Variants in GLYAT observed in about 807,000 individuals in gnomAD.
GLYAT encodes glycine-N-acyltransferase.
A neutral mutation model predicts 22.8 loss-of-function variants in GLYAT; 25 were observed. The observed-to-expected ratio is 1.09, with a 90% confidence interval of 0.80 to 1.53. GLYAT has a LOEUF of 1.53. Among genes scored for constraint, GLYAT ranks in the 40% most tolerant of loss-of-function variants. The pLI is 0.00. For synonymous variants in GLYAT, 140 were observed against 122.7 expected, an observed-to-expected ratio of 1.14 and a Z score of -0.93; for missense variants, 411 against 353.9, an observed-to-expected ratio of 1.16 and a Z score of -1.29.
chr11:58,714,676 T>C (rs1856657730), intron 3 of GLYAT, among the ~76,000 whole-genome samples: 1 of 152,116 alleles, frequency 6.6e-6, no homozygotes, highest in Non-Finnish European at 1.5e-5. Context: ...CTGATGGTTT[T>C]ATAAGGGGCT....
chr11:58,719,989 T>G (rs1054116461), intron 2 of GLYAT, among the ~76,000 whole-genome samples: 1 of 151,986 alleles, frequency 6.6e-6, no homozygotes, highest in African/African-American at 2.4e-5. Context: ...CAACCACTTA[T>G]TTTAGTTTAG....
At chr11:58,721,193 T>C (rs1856745789) in intron 2 of GLYAT, among the ~76,000 whole-genome samples, 1 of 151,824 alleles carries the variant, frequency 6.6e-6, no homozygotes, top group South Asian at 2.1e-4. Flanking sequence ...TGGTAACCTG[T>C]TTCAAAACCC....
rs186072988 is a variant in GLYAT at position 58,713,346 on chromosome 11, A to T, written c.190-460T>A. 4.7e-3 allele frequency among the ~76,000 whole-genome samples: 714 copies of T among 152,302 alleles called. 6 individuals carry two copies. The highest frequency in any genetic ancestry group is 0.02 in the Middle Eastern group (6 of 294). On this transcript the variant is annotated intron_variant, in intron 3 of 5. Coordinates refer to ENST00000344743, the MANE Select transcript of GLYAT (RefSeq NM_201648.3). ...GAACAATACTATTCATTATCCACAT[A>T]TCACGTTAAAATTTCAAATAAAAGA...
intron 1 of GLYAT, among the ~76,000 whole-genome samples, chr11:58,730,345 C>T (rs983756374): frequency 6.6e-6 from 1 of 152,118 alleles, no homozygotes; most frequent in Non-Finnish European, 1.5e-5. Flanking sequence ...TGGTGACACA[C>T]ACCTGTAGCC....
intron 1 of GLYAT, among the ~76,000 whole-genome samples, chr11:58,726,031 G>A (rs548182312): frequency 3.3e-5 from 5 of 152,220 alleles, no homozygotes; most frequent in African/African-American, 9.6e-5. Context: ...CAACTCCTGA[G>A]GTCTTGTCAG....
chr11:58,723,206 C>T (rs1337462476), intron 2 of GLYAT, among the ~76,000 whole-genome samples: 2 of 141,574 alleles, frequency 1.4e-5, no homozygotes, highest in Non-Finnish European at 3.1e-5. Flanking sequence ...AAAAATACCT[C>T]AACTAATTAT....
In GLYAT at chr11:58,715,307, GA is replaced by G. The variant is rs753518424; in HGVS notation, c.189+8del. 3.1e-6 allele frequency: 4 copies of G among 1,271,162 alleles called. No individual in the cohort carries two copies. In the South Asian group the frequency reaches 4.8e-5, roughly 15 times the overall value. 78.7% of individuals were successfully genotyped at this position (1,271,162 alleles called of 1,614,324 possible). A position where few individuals can be genotyped will look rare whatever the true frequency, so the allele number is the denominator to read the frequency against. Reference sequence around the variant, plus strand: ...AAATATAGAAGAATATTCACACATGGAAACTTACCTGCTCCTGAGGGCAGAC... The same window carrying G: ...AAATATAGAAGAATATTCACACATGGAACTTACCTGCTCCTGAGGGCAGAC... On this transcript the variant is annotated splice_region_variant and intron_variant, in intron 3 of 5. Coordinates refer to ENST00000344743, the MANE Select transcript of GLYAT (RefSeq NM_201648.3).
chr11:58,723,226 G>A (rs919737344), intron 2 of GLYAT, among the ~76,000 whole-genome samples: 4 of 62,816 alleles, frequency 6.4e-5, no homozygotes, highest in Non-Finnish European at 2.0e-4. Flanking sequence ...TACATACAGT[G>A]TCTTAACTAA....
At position 58,709,317 on chromosome 11, in the gene GLYAT, T is replaced by C. The variant is rs1856579272; in HGVS notation, c.*449A>G. 1 of 158,390 alleles carries C rather than the reference T, an allele frequency of 6.3e-6. No homozygotes were observed. The highest frequency in any genetic ancestry group is 1.4e-5 in the Non-Finnish European group (1 of 71,654). 9.8% of individuals were successfully genotyped at this position (158,390 alleles called of 1,614,324 possible). A position where few individuals can be genotyped will look rare whatever the true frequency, so the allele number is the denominator to read the frequency against. On this transcript the variant is annotated 3_prime_UTR_variant, in exon 6 of 6. Coordinates refer to ENST00000344743, the MANE Select transcript of GLYAT (RefSeq NM_201648.3). ...AAGTAGCAATAACAGGAGAGGATAATCTCTAAAGACCTGCTGAGGAGAGTC... is the reference window on the plus strand; with the variant it reads ...AAGTAGCAATAACAGGAGAGGATAACCTCTAAAGACCTGCTGAGGAGAGTC...
intron 3 of GLYAT, 50 bp downstream of exon 3, chr11:58,715,266 G>T: frequency 1.2e-6 from 1 of 832,618 alleles, no homozygotes; most frequent in Non-Finnish European, 2.1e-6. Context: ...GAATGTAATA[G>T]GCACACAGCT....
Position 58,710,297 on chromosome 11 carries a change from G to A in GLYAT, c.489-129C>T, listed in dbSNP as rs947948054. 5 of 1,404,806 alleles carry A rather than the reference G, an allele frequency of 3.6e-6. No homozygotes were observed. In the African/African-American group the frequency reaches 7.2e-5, roughly 20 times the overall value. 87.0% of individuals were successfully genotyped at this position (1,404,806 alleles called of 1,614,324 possible). A position where few individuals can be genotyped will look rare whatever the true frequency, so the allele number is the denominator to read the frequency against. On this transcript the variant is annotated intron_variant, in intron 5 of 5. Coordinates refer to ENST00000344743, the MANE Select transcript of GLYAT (RefSeq NM_201648.3). ...ATGTGAAGTCCTGGAATATAGATGAGCTTGTGATGAAAGAGGAACAGAGTG... is the reference window on the plus strand; with the variant it reads ...ATGTGAAGTCCTGGAATATAGATGAACTTGTGATGAAAGAGGAACAGAGTG...
intron 1 of GLYAT, among the ~76,000 whole-genome samples, chr11:58,724,939 A>G (rs1238648946): frequency 6.6e-6 from 1 of 152,122 alleles, no homozygotes; most frequent in East Asian, 1.9e-4. Context: ...GGATTAAAGG[A>G]ATGAATACCT....
intron 2 of GLYAT, among the ~76,000 whole-genome samples, chr11:58,722,205 A>G (rs1856758611): frequency 6.6e-6 from 1 of 152,068 alleles, no homozygotes; most frequent in South Asian, 2.1e-4. Flanking sequence ...CCAAGCACCG[A>G]TAGGAGATTT....
intron 1 of GLYAT, among the ~76,000 whole-genome samples, chr11:58,729,576 A>G (rs1856850403): frequency 6.6e-6 from 1 of 152,176 alleles, no homozygotes; most frequent in African/African-American, 2.4e-5. Context: ...GGCCCTCAAT[A>G]CATAAGTAAC....
chr11:58,720,309 A>T (rs570570234), intron 2 of GLYAT, among the ~76,000 whole-genome samples: 1 of 152,162 alleles, frequency 6.6e-6, no homozygotes, highest in Non-Finnish European at 1.5e-5. Flanking sequence ...CATACTCTAA[A>T]TTATGACCAA....
chr11:58,721,553 G>T (rs1003279760), intron 2 of GLYAT, among the ~76,000 whole-genome samples: 4 of 151,874 alleles, frequency 2.6e-5, no homozygotes, highest in Admixed American at 2.0e-4. Flanking sequence ...AAACATGAAG[G>T]CCTTCAAATA....
chr11:58,722,692 T>G (rs1856764743), intron 2 of GLYAT, among the ~76,000 whole-genome samples: 1 of 152,068 alleles, frequency 6.6e-6, no homozygotes, highest in Non-Finnish European at 1.5e-5. Context: ...TGAGTTTTCT[T>G]TAGTGATTTT....
At chr11:58,711,037 GATA>G (rs1258773042) in intron 4 of GLYAT, among the ~76,000 whole-genome samples, 1 of 152,186 alleles carries the variant, frequency 6.6e-6, no homozygotes, top group Non-Finnish European at 1.5e-5. Flanking sequence ...ACTGCTAGAA[GATA>G]ATAAAGAAAT....
chr11:58,728,878 GA>G (rs1185962032), intron 1 of GLYAT: 41 of 115,352 alleles, frequency 3.6e-4, no homozygotes, highest in African/African-American at 1.4e-3. Context: ...AAGAAAGAAA[GA>G]AAGAAAGAAA....
Sources: gnomAD v4.1 joint callset for allele counts (sites outside exome capture counted in the v4.1 genomes callset) on GRCh38, gnomAD v4.1.1 for gene constraint, MANE v1.5 for transcripts, NCBI Gene and HGNC (gene_info 2026-07-23, HGNC 2026-07-21) for gene names.